Variants in ADAP1 observed in about 807,000 individuals in gnomAD.
ADAP1 encodes arf-GAP with dual PH domain-containing protein 1.
Under a neutral mutation model 54.9 loss-of-function variants are expected in ADAP1, and 31 were observed. The ratio of observed to expected loss-of-function variants is 0.56; its 90% CI spans 0.42 to 0.76. ADAP1 has a LOEUF of 0.76. Among genes scored for constraint, ADAP1 ranks in the 30% least tolerant of loss-of-function variants. The pLI is 0.00. For synonymous variants in ADAP1, 313 were observed against 202.6 expected (o/e 1.55, Z -4.63); for missense variants, 535 against 512.4 (o/e 1.04, Z -0.42).
intron 2 of ADAP1, among the ~76,000 whole-genome samples, chr7:934,279 A>G (rs1164296154): frequency 1.1e-4 from 9 of 83,508 alleles, no homozygotes; most frequent in African/African-American, 1.4e-4. Context: ...AGAGCCGGGG[A>G]CTGGGGTCAG....
chr7:954,497 T>C lies in ADAP1; in HGVS notation c.-20A>G, dbSNP rs1847341108. 12 of 1,015,704 alleles carry C rather than the reference T, an allele frequency of 1.2e-5. No homozygotes were observed. Among genetic ancestry groups the C allele is most frequent in the African/African-American group, 1.7e-5 (1 of 57,268 alleles). 62.9% of individuals were successfully genotyped at this position (1,015,704 alleles called of 1,614,324 possible). ...GGCCATGGCCGCGATGCGCCCGCGA[T>C]GCCGATGCCGGGGCCGGGGCCGGGA... On this transcript the variant is annotated 5_prime_UTR_variant, in exon 1 of 11. Transcript: ENST00000265846.
chr7:903,012 G>C (rs1844898123), intron 6 of ADAP1, among the ~76,000 whole-genome samples: 1 of 152,160 alleles, frequency 6.6e-6, no homozygotes, highest in Non-Finnish European at 1.5e-5. Flanking sequence ...AAGTAAACGA[G>C]AAAGACGTAG....
At chr7:901,267 G>A (rs1844798735) in intron 6 of ADAP1, 3 of 348,878 alleles carry the variant, frequency 8.6e-6, no homozygotes, top group South Asian at 6.6e-5. Flanking sequence ...CCTGCCCCTA[G>A]ACCCAGCGCC....
chr7:947,343 C>A (rs1336049425), intron 1 of ADAP1, among the ~76,000 whole-genome samples: 1 of 151,632 alleles, frequency 6.6e-6, no homozygotes, highest in Non-Finnish European at 1.5e-5. Context: ...AGGTGTGAGC[C>A]ACCGCGCCTG....
chr7:900,883 A>AGGCCGGGCCGGGCCGGGCCGGGCCGGGCC (rs1554270395), intron 6 of ADAP1: 13 of 393,226 alleles, frequency 3.3e-5, no homozygotes, highest in Middle Eastern at 6.3e-4. Flanking sequence ...GAAGGGCCGA[A>AGGCCGGGCCGGGCCGGGCCGGGCCGGGCC]GGGCCGGGCC....
chr7:926,445 CGA>C lies in ADAP1; in HGVS notation c.305+106_305+107del, dbSNP rs1698506438. 2 of 969,486 alleles carry C rather than the reference CGA, an allele frequency of 2.1e-6. No individual in the cohort carries two copies. Among genetic ancestry groups the C allele is most frequent in the Non-Finnish European group, 2.9e-6 (2 of 680,434 alleles). The allele number at this position is 969,486 out of a possible 1,614,324, so 60.1% of individuals were successfully genotyped here. The stretch of plus-strand genomic sequence containing the variant: ...GACGCAGCTGCGGCTGGCTTCTCCC[CGA>C]CCCTGTGGGCGGCACCCAACTCCCC... On this transcript the variant is annotated intron_variant, in intron 3 of 10. Transcript: ENST00000265846. This position sits in a 1 kb window ranked among gnomAD's most constrained non-coding sequence, Gnocchi z 4.6.
At chr7:924,618 C>T (rs1489092258) in intron 3 of ADAP1, among the ~76,000 whole-genome samples, 2 of 151,004 alleles carry the variant, frequency 1.3e-5, no homozygotes, top group Non-Finnish European at 2.9e-5. Context: ...CTGCCATGCC[C>T]CAGCATCCAC....
chr7:899,637 C>A (rs939633887), intron 8 of ADAP1, 147 bp from the exon 9 acceptor site: 1 of 866,402 alleles, frequency 1.2e-6, no homozygotes, highest in East Asian at 2.7e-5. Flanking sequence ...CCACGCCCCA[C>A]GAGGCCTCCG....
At chr7:899,580 A>C (rs1844679452) in intron 8 of ADAP1, 90 bp from the exon 9 acceptor site, 10 of 1,454,358 alleles carry the variant, frequency 6.9e-6, no homozygotes, top group Non-Finnish European at 9.3e-6. Context: ...GGCAGGGCCC[A>C]GACTGGCCCG....
Position 951,169 on chromosome 7 carries a change from C to T in ADAP1, c.82+3227G>A, listed in dbSNP as rs550983547. Among the ~76,000 whole-genome samples, 312 of 151,898 alleles carry T rather than the reference C, an allele frequency of 2.1e-3. 1 individual carries two copies. Among genetic ancestry groups the T allele is most frequent in the Non-Finnish European group, 3.0e-3 (206 of 67,928 alleles). ...GCGGGTGGATCACGAGGTCAGGAGA[C>T]GGAGACCATCCTGGCTAACATGGTG... On this transcript the variant is annotated intron_variant, in intron 1 of 10. Coordinates refer to ENST00000265846, the MANE Select transcript of ADAP1 (RefSeq NM_006869.4).
At chr7:937,213 G>A (rs1846795380) in intron 1 of ADAP1, among the ~76,000 whole-genome samples, 1 of 68,860 alleles carries the variant, frequency 1.5e-5, no homozygotes, top group Non-Finnish European at 3.1e-5. Flanking sequence ...CGACCTCTGG[G>A]ATTTGGGGGT....
intron 4 of ADAP1, among the ~76,000 whole-genome samples, chr7:909,777 C>A (rs1845644026): frequency 1.3e-5 from 2 of 152,192 alleles, no homozygotes; most frequent in South Asian, 2.1e-4. Context: ...CAGGACTCGA[C>A]CAGTATTTAT....
intron 1 of ADAP1, among the ~76,000 whole-genome samples, chr7:939,162 T>A (rs1044723964): frequency 1.3e-5 from 2 of 152,216 alleles, no homozygotes; most frequent in Non-Finnish European, 2.9e-5. Flanking sequence ...TAGCTGCTTT[T>A]GTGAGCGGTC....
chr7:946,084 G>C lies in ADAP1; in HGVS notation c.82+8312C>G, dbSNP rs928206416. ...AGGGTGCCCTTGTGGGAGGGGCTCC[G>C]GTGCCCACCACCCTTCACAGCTACG... On this transcript the variant is annotated intron_variant, in intron 1 of 10. Coordinates refer to ENST00000265846, the MANE Select transcript of ADAP1 (RefSeq NM_006869.4). This position sits in a 1 kb window ranked among gnomAD's most constrained non-coding sequence, Gnocchi z 4.3. Among the ~76,000 whole-genome samples the C allele has an allele frequency of 1.3e-5, 2 of 152,186 alleles. No homozygotes were observed. The highest frequency in any genetic ancestry group is 4.1e-4 in the South Asian group (2 of 4,834).
At chr7:951,850 C>G (rs1337936501) in intron 1 of ADAP1, among the ~76,000 whole-genome samples, 1 of 152,206 alleles carries the variant, frequency 6.6e-6, no homozygotes, top group East Asian at 1.9e-4. Context: ...CTCACTCTGG[C>G]CTAGGCTGGA....
chr7:941,355 G>C (rs1307898449), intron 1 of ADAP1, among the ~76,000 whole-genome samples: 3 of 152,130 alleles, frequency 2.0e-5, no homozygotes, highest in Admixed American at 1.3e-4. Flanking sequence ...GATTGGAAAG[G>C]AAGAGCTAAA....
intron 2 of ADAP1, among the ~76,000 whole-genome samples, chr7:931,919 G>T (rs1021116181): frequency 2.6e-5 from 4 of 152,198 alleles, no homozygotes; most frequent in Admixed American, 6.5e-5. Flanking sequence ...TTAGCCCCCG[G>T]ATGTCCCCGC....
At chr7:955,015 T>C (rs1309729950), upstream of ADAP1, among the ~76,000 whole-genome samples, 3 of 152,066 alleles carry the variant, frequency 2.0e-5, no homozygotes, top group African/African-American at 4.8e-5. Context: ...GGGGTGCTCG[T>C]GGAAGGCAGG....
chr7:906,705 GGGACGGGACATCGGGGAC>G (rs1562915324), intron 4 of ADAP1, among the ~76,000 whole-genome samples: 5 of 32,592 alleles, frequency 1.5e-4, no homozygotes, highest in Non-Finnish European at 2.8e-4. Flanking sequence ...ATGGACATGG[GGGACGGGACATCGGGGAC>G]GGGACATGGG....
Sources: allele counts gnomAD v4.1 joint callset (sites outside exome capture counted in the v4.1 genomes callset), GRCh38; gene constraint gnomAD v4.1.1; non-coding constraint Gnocchi (gnomAD v3.1); transcripts MANE v1.5; gene names NCBI Gene and HGNC (gene_info 2026-07-23, HGNC 2026-07-21).